CBFA2T2: variants seen among roughly 807,000 people sequenced by gnomAD.
The protein encoded by CBFA2T2 is CBFA2/RUNX1 partner transcriptional co-repressor 2.
In CBFA2T2, 11 loss-of-function variants were observed where a neutral mutation model predicts 62.2. The ratio of observed to expected loss-of-function variants is 0.18; its 90% CI spans 0.11 to 0.29. The LOEUF is 0.29. Ranked by LOEUF, CBFA2T2 falls within the 10% of genes least tolerant of loss-of-function variation. The pLI is 1.00. For synonymous variants in CBFA2T2, 295 were observed against 287.5 expected, an observed-to-expected ratio of 1.03 and a Z score of -0.27; for missense variants, 592 against 774.1, an observed-to-expected ratio of 0.76 and a Z score of 2.79.
intron 1 of CBFA2T2, among the ~76,000 whole-genome samples, chr20:33,523,271 TTTTA>T (rs1005994723): frequency 2.8e-4 from 42 of 152,182 alleles, no homozygotes; most frequent in Admixed American, 1.1e-3. Context: ...AGGCTTTATT[TTTTA>T]TTTATTTATT....
At chr20:33,584,105 A>G (rs1377521589) in intron 1 of CBFA2T2, among the ~76,000 whole-genome samples, 1 of 150,636 alleles carries the variant, frequency 6.6e-6, no homozygotes, top group Non-Finnish European at 1.5e-5. Context: ...CTGCCACTAC[A>G]CTCAGCTAAC....
At chr20:33,639,154 G>C (rs1265944781) in intron 9 of CBFA2T2, 2 of 152,366 alleles carry the variant, frequency 1.3e-5, no homozygotes, top group South Asian at 4.1e-4. Flanking sequence ...CCCTTCCTCA[G>C]TGCCACTTAT....
At chr20:33,542,747 T>A (rs1042954304) in intron 1 of CBFA2T2, among the ~76,000 whole-genome samples, 16 of 151,730 alleles carry the variant, frequency 1.1e-4, no homozygotes, top group African/African-American at 3.9e-4. Context: ...TCTTGACTCA[T>A]TGCAACCTCC....
At chr20:33,571,471 AT>A (rs1211771490) in intron 1 of CBFA2T2, among the ~76,000 whole-genome samples, 2 of 152,026 alleles carry the variant, frequency 1.3e-5, no homozygotes, top group African/African-American at 2.4e-5. Flanking sequence ...TCATATATCC[AT>A]TTTTTTCTTT....
intron 1 of CBFA2T2, among the ~76,000 whole-genome samples, chr20:33,522,129 A>G (rs1021939644): frequency 2.0e-5 from 3 of 152,166 alleles, no homozygotes; most frequent in Non-Finnish European, 2.9e-5. Context: ...CTCCAGGGTC[A>G]TAGACTCTTG....
intron 1 of CBFA2T2, among the ~76,000 whole-genome samples, chr20:33,515,975 C>T (rs2011593559): frequency 6.6e-6 from 1 of 151,894 alleles, no homozygotes; most frequent in South Asian, 2.1e-4. Flanking sequence ...AAGAATGCAT[C>T]TCTACAAAAC....
intron 1 of CBFA2T2, among the ~76,000 whole-genome samples, chr20:33,551,369 ACCACGCCCAG>A (rs2012737086): frequency 6.6e-6 from 1 of 151,884 alleles, no homozygotes; most frequent in Non-Finnish European, 1.5e-5. Flanking sequence ...GGCATGCACC[ACCACGCCCAG>A]CTAATTTTGT....
intron 1 of CBFA2T2, among the ~76,000 whole-genome samples, chr20:33,539,190 C>T (rs1284944791): frequency 1.3e-5 from 2 of 152,116 alleles, no homozygotes; most frequent in Non-Finnish European, 2.9e-5. Flanking sequence ...AACTGTTAGG[C>T]CTGTTTGCTT....
At chr20:33,564,914 T>G (rs2013240915) in intron 1 of CBFA2T2, among the ~76,000 whole-genome samples, 1 of 151,642 alleles carries the variant, frequency 6.6e-6, no homozygotes, top group African/African-American at 2.4e-5. Context: ...TTTCCCAAGT[T>G]TTCTTTTCTT....
intron 1 of CBFA2T2, among the ~76,000 whole-genome samples, chr20:33,495,258 T>C (rs2011187810): frequency 6.6e-6 from 1 of 151,246 alleles, no homozygotes; most frequent in Non-Finnish European, 1.5e-5. Context: ...AGAAGCTGGC[T>C]GTGGTAGCGG....
At chr20:33,501,329 T>C (rs898817439) in intron 1 of CBFA2T2, among the ~76,000 whole-genome samples, 1 of 152,184 alleles carries the variant, frequency 6.6e-6, no homozygotes, top group Non-Finnish European at 1.5e-5. Context: ...AATTTAGCCA[T>C]CTCCATGCAG....
At position 33,623,224 on chromosome 20, in the gene CBFA2T2, T is replaced by C; in HGVS notation, c.620T>C (p.Ile207Thr). 7.4e-6 allele frequency: 12 copies of C among 1,614,200 alleles called. No individual in the cohort carries two copies. Among genetic ancestry groups the C allele is most frequent in the Non-Finnish European group, 9.3e-6 (11 of 1,180,034 alleles). The stretch of plus-strand genomic sequence containing the variant: ...GAACACCTTCTGCTCAACACAAGCA[T>C]TGCATCGCCTGCTGACTCGTCAGAG... ...QHEHLLLNTS[I>T]ASPADSSELL... Residue 207 changes from isoleucine to threonine, a missense_variant, in exon 5 of 11, where the codon ATT becomes ACT. Around this residue, in one of 3 missense-constraint regions of CBFA2T2, gnomAD observed 449 missense variants for 551.2 expected, o/e 0.81. Transcript: ENST00000342704.
At chr20:33,513,804 ACT>A (rs1216733132) in intron 1 of CBFA2T2, among the ~76,000 whole-genome samples, 2 of 116,352 alleles carry the variant, frequency 1.7e-5, no homozygotes, top group East Asian at 2.6e-4. Context: ...ACAGAGTAAG[ACT>A]CTGTCCCAGG....
Position 33,645,536 on chromosome 20 carries a change from C to T in CBFA2T2, c.*890C>T, listed in dbSNP as rs1007955631. On this transcript the variant is annotated 3_prime_UTR_variant, in exon 11 of 11. Coordinates refer to ENST00000342704, the MANE Select transcript of CBFA2T2 (RefSeq NM_001032999.3). ...TTCTGCCACCACTTGGCTATTTGCACAGTCATCTTGTTCTGTGTCCTTTTA... is the reference window on the plus strand; with the variant it reads ...TTCTGCCACCACTTGGCTATTTGCATAGTCATCTTGTTCTGTGTCCTTTTA... 6.6e-6 allele frequency: 1 copy of T among 152,134 alleles called. No individual in the cohort carries two copies. The highest frequency in any genetic ancestry group is 1.5e-5 in the Non-Finnish European group (1 of 68,020). 9.4% of individuals were successfully genotyped at this position (152,134 alleles called of 1,614,324 possible). A position where few individuals can be genotyped will look rare whatever the true frequency, so the allele number is the denominator to read the frequency against.
chr20:33,578,275 G>T (rs549299014), intron 1 of CBFA2T2, among the ~76,000 whole-genome samples: 1 of 152,162 alleles, frequency 6.6e-6, no homozygotes, highest in East Asian at 1.9e-4. Context: ...TTTACATTGA[G>T]TATTAGTTTC....
In CBFA2T2 at chr20:33,490,142, C is replaced by T. The variant is rs2011135376; in HGVS notation, c.-126C>T. 1.3e-5 allele frequency: 13 copies of T among 1,001,956 alleles called. No individual in the cohort carries two copies. Among genetic ancestry groups the T allele is most frequent in the Middle Eastern group, 3.8e-4 (1 of 2,632 alleles). 62.1% of individuals were successfully genotyped at this position (1,001,956 alleles called of 1,614,324 possible). On this transcript the variant is annotated 5_prime_UTR_variant, in exon 1 of 11. Transcript: ENST00000342704. The stretch of plus-strand genomic sequence containing the variant: ...AGCAGCGGTGGTGGTGTCTGGTTAG[C>T]TCGGCGGCTGCAGATCTCGCGGCGA...
At chr20:33,628,549 A>C (rs1372548256) in intron 7 of CBFA2T2, 114 bp downstream of exon 7, 1 of 718,592 alleles carries the variant, frequency 1.4e-6, no homozygotes, top group African/African-American at 1.8e-5. Flanking sequence ...GTTCACTGCA[A>C]CTTCTGCTTC....
intron 1 of CBFA2T2, among the ~76,000 whole-genome samples, chr20:33,599,712 C>G (rs2122265639): frequency 6.6e-6 from 1 of 152,132 alleles, no homozygotes; most frequent in South Asian, 2.1e-4. Context: ...CCAGCCATAG[C>G]CTCCTGAGTA....
At chr20:33,620,355 A>G (rs903779950) in intron 4 of CBFA2T2, among the ~76,000 whole-genome samples, 16 of 152,096 alleles carry the variant, frequency 1.1e-4, no homozygotes, top group African/African-American at 3.9e-4. Flanking sequence ...CCAAAAAAAA[A>G]TAGAAAAAAA....
Sources: allele counts gnomAD v4.1 joint callset (sites outside exome capture counted in the v4.1 genomes callset), GRCh38; gene constraint gnomAD v4.1.1; regional missense constraint gnomAD v4.1.1; transcripts MANE v1.5; gene names NCBI Gene and HGNC (gene_info 2026-07-23, HGNC 2026-07-21).